LPL: variants seen among roughly 807,000 people sequenced by gnomAD.
LPL encodes phospholipase A1.
LPL carries 43 observed loss-of-function variants against 52.2 expected under a neutral mutation model. That is an observed-to-expected ratio of 0.82 (90% CI 0.64 to 1.06). The LOEUF (loss-of-function observed/expected upper bound fraction) is 1.06, where lower values mean the gene tolerates loss of function less well. LPL is among the 50% of genes least tolerant of loss of function. LPL has a pLI of 0.00. For synonymous variants in LPL, 244 were observed against 215.6 expected (o/e 1.13, Z -1.15); for missense variants, 639 against 585.3 (o/e 1.09, Z -0.95).
chr8:19,955,497 T>C (rs568355239), intron 5 of LPL, among the ~76,000 whole-genome samples: 3 of 152,332 alleles, frequency 2.0e-5, no homozygotes, highest in South Asian at 2.1e-4. Flanking sequence ...TAGAAGCACC[T>C]AGAAGTGTTA....
intron 2 of LPL, among the ~76,000 whole-genome samples, chr8:19,949,569 G>A (rs1017146595): frequency 7.2e-5 from 11 of 152,058 alleles, no homozygotes; most frequent in African/African-American, 2.4e-4. Flanking sequence ...TGCAACCTCC[G>A]CCACCTGGGC....
chr8:19,949,670 G>C lies in LPL; in HGVS notation c.249+1330G>C, dbSNP rs113497343. On this transcript the variant is annotated intron_variant, in intron 2 of 9. Coordinates refer to ENST00000650287, the MANE Select transcript of LPL (RefSeq NM_000237.3). ...GCCAATTTTTATATTTTCAGCACAG[G>C]CAGGGTTTCACCCTGTTGGCCAGGC... 1.2e-3 allele frequency among the ~76,000 whole-genome samples: 178 copies of C among 152,110 alleles called. 1 individual carries two copies. Among genetic ancestry groups the C allele is most frequent in the Non-Finnish European group, 2.0e-3 (138 of 67,982 alleles).
Position 19,961,067 on chromosome 8 carries a change from G to A in LPL, c.1306G>A (p.Gly436Arg), listed in dbSNP as rs587777909. Reference protein sequence around the residue: ...FAIQKIRVKAGETQKKVIFCS... With the variant: ...FAIQKIRVKARETQKKVIFCS... ...CATTCAGAAGATCAGAGTAAAAGCA[G>A]GAGAGACTCAGAAAAAGTAATTAAA... The change falls in exon 8 of 10, where the codon GGA becomes AGA. Residue 436 changes from glycine to arginine, a missense_variant. Physicochemically the swap from Gly to Arg is moderately radical, Grantham distance 125. Coordinates refer to ENST00000650287, the MANE Select transcript of LPL (RefSeq NM_000237.3). 3.7e-6 allele frequency: 6 copies of A among 1,613,990 alleles called. No individual in the cohort carries two copies. Among genetic ancestry groups the A allele is most frequent in the Non-Finnish European group, 5.1e-6 (6 of 1,180,012 alleles).
chr8:19,955,990 C>T lies in LPL; in HGVS notation c.925C>T (p.Arg309Cys), dbSNP rs377421145. Residue 309 changes from arginine to cysteine, a missense_variant, in exon 6 of 10, where the codon CGC becomes TGC. Transcript: ENST00000650287. ...KGLCLSCRKN[R>C]CNNLGYEINK... ...GCTCTGCTTGAGTTGTAGAAAGAAC[C>T]GCTGCAACAATCTGGGCTATGAGAT... The T allele has an allele frequency of 9.9e-6, 16 of 1,614,094 alleles. No homozygotes were observed. The highest frequency in any genetic ancestry group is 1.7e-5 in the Admixed American group (1 of 60,008).
At chr8:19,946,088 T>A (rs1286317659) in intron 1 of LPL, among the ~76,000 whole-genome samples, 1 of 152,116 alleles carries the variant, frequency 6.6e-6, no homozygotes, top group East Asian at 1.9e-4. Flanking sequence ...TGCTTTCTGG[T>A]TGGGAAGGAA....
chr8:19,963,170 T>G (rs1563583907), intron 9 of LPL, among the ~76,000 whole-genome samples: 1 of 152,248 alleles, frequency 6.6e-6, no homozygotes, highest in Non-Finnish European at 1.5e-5. Flanking sequence ...AGAATTGCCT[T>G]CATGCCTGCA....
chr8:19,954,230 G>C lies in LPL; in HGVS notation c.652G>C (p.Gly218Arg). Residue 218 changes from glycine (G) to arginine (R), a missense_variant, in exon 5 of 10, where the codon GGT (glycine) becomes CGT (arginine). By Grantham distance (125) the Gly-to-Arg change is moderately radical (BLOSUM62 -2). Transcript: ENST00000650287. Reference protein sequence around the residue: ...VLHTFTRGSPGRSIGIQKPVG... With the variant: ...VLHTFTRGSPRRSIGIQKPVG... ...ACACACATTCACCAGAGGGTCCCCT[G>C]GTCGAAGCATTGGAATCCAGAAACC... 1 of 1,614,148 alleles carries C rather than the reference G, an allele frequency of 6.2e-7. No homozygotes were observed. The highest frequency in any genetic ancestry group is 1.7e-5 in the Admixed American group (1 of 60,016).
At chr8:19,963,419 G>C (rs1429547595) in intron 9 of LPL, among the ~76,000 whole-genome samples, 1 of 134,672 alleles carries the variant, frequency 7.4e-6, no homozygotes, top group Non-Finnish European at 1.5e-5. Context: ...CTGGGCAACA[G>C]AGAAAGACTC....
rs753229741 is a variant in LPL, at chr8:19,956,031, C to A, written c.966C>A (p.Ala322=). The A allele has an allele frequency of 6.2e-7, 1 of 1,614,092 alleles. No individual in the cohort carries two copies. The highest frequency in any genetic ancestry group is 1.7e-5 in the Admixed American group (1 of 60,020). Residue 322 remains alanine, a synonymous_variant, in exon 6 of 10, where the codon GCC becomes GCA. Coordinates refer to ENST00000650287, the MANE Select transcript of LPL (RefSeq NM_000237.3). ...GCTATGAGATCAATAAAGTCAGAGC[C>A]AAAAGAAGCAGCAAAATGTACCTGA... ...NLGYEINKVR[A]KRSSKMYLKT...
At chr8:19,964,717 C>T (rs185908065) in intron 9 of LPL, among the ~76,000 whole-genome samples, 63 of 151,900 alleles carry the variant, frequency 4.1e-4, no homozygotes, top group Non-Finnish European at 7.5e-4. Context: ...TTAGTAGAGA[C>T]GGAGTTTCAC....
intron 7 of LPL, 38 bp downstream of exon 7, chr8:19,959,418 C>T: frequency 6.2e-7 from 1 of 1,612,650 alleles, no homozygotes; most frequent in South Asian, 1.1e-5. Flanking sequence ...TGGCACCAGT[C>T]CCTCTCCTGC....
At chr8:19,947,661 C>A (rs1222188334) in intron 1 of LPL, among the ~76,000 whole-genome samples, 4 of 107,180 alleles carry the variant, frequency 3.7e-5, no homozygotes, top group African/African-American at 6.2e-5. Context: ...AAACAACCCC[C>A]CCCCCGCCCC....
chr8:19,965,124 T>C (rs1042511635), intron 9 of LPL, among the ~76,000 whole-genome samples, 186 bp from the exon 10 acceptor site: 4 of 152,210 alleles, frequency 2.6e-5, no homozygotes, highest in African/African-American at 9.7e-5. Flanking sequence ...CTCCAGTGTC[T>C]TCCATTCCTA....
chr8:19,939,513 G>T lies in LPL; in HGVS notation c.73G>T (p.Val25Leu), dbSNP rs1395752390. 6.2e-7 allele frequency: 1 copy of T among 1,608,952 alleles called. No individual in the cohort carries two copies. Among genetic ancestry groups the T allele is most frequent in the Non-Finnish European group, 8.5e-7 (1 of 1,178,386 alleles). The change falls in exon 1 of 10, where the codon GTG (valine) becomes TTG (leucine). Residue 25 changes from valine to leucine, a missense_variant. Val to Leu is a conservative substitution (Grantham distance 32). Coordinates refer to ENST00000650287, the MANE Select transcript of LPL (RefSeq NM_000237.3). The surrounding 1 kb of genome is among the most constrained non-coding windows in gnomAD (Gnocchi z 4.0). ...GAGTCTGACCGCCTCCCGCGGAGGG[G>T]TGGCCGCCGCCGACCGTAAGTTTTG... is the stretch of plus-strand genomic sequence containing the variant. ...LQSLTASRGG[V>L]AAADQRRDFI...
At position 19,939,533 on chromosome 8, in the gene LPL, G is replaced by C; in HGVS notation, c.88+5G>C. ...GAGGGGTGGCCGCCGCCGACCGTAA[G>C]TTTTGCGCGCAAACTCCCCTCCACC... On this transcript the variant is annotated splice_donor_5th_base_variant and intron_variant, in intron 1 of 9. Transcript: ENST00000650287. The surrounding 1 kb of genome is among the most constrained non-coding windows in gnomAD (Gnocchi z 4.0). The C allele has an allele frequency of 5.0e-6, 8 of 1,606,398 alleles. No homozygotes were observed. Among genetic ancestry groups the C allele is most frequent in the Non-Finnish European group, 6.8e-6 (8 of 1,177,322 alleles).
At chr8:19,961,108 T>A (rs776991453) in intron 8 of LPL, 25 bp downstream of exon 8, 22 of 1,608,308 alleles carry the variant, frequency 1.4e-5, no homozygotes, top group Admixed American at 3.3e-5. Context: ...TTTTCTTCCT[T>A]CACTTTAGAC....
intron 3 of LPL, among the ~76,000 whole-genome samples, chr8:19,952,722 G>A (rs2069946434): frequency 6.6e-6 from 1 of 152,130 alleles, no homozygotes; most frequent in African/African-American, 2.4e-5. Context: ...TGGGGCTCAG[G>A]CTTCTCACCT....
chr8:19,945,194 G>T (rs572690956), intron 1 of LPL, among the ~76,000 whole-genome samples: 7 of 152,070 alleles, frequency 4.6e-5, no homozygotes, highest in African/African-American at 1.7e-4. Context: ...GCAATCACAG[G>T]ATGCATTGGG....
At chr8:19,964,967 T>G (rs903724887) in intron 9 of LPL, among the ~76,000 whole-genome samples, 7 of 152,238 alleles carry the variant, frequency 4.6e-5, no homozygotes, top group Non-Finnish European at 8.8e-5. Context: ...TTCTGCTAAC[T>G]CCTCAGAAAC....
Sources: gnomAD v4.1 joint callset for allele counts (sites outside exome capture counted in the v4.1 genomes callset) on GRCh38, gnomAD v4.1.1 for gene constraint, Gnocchi (gnomAD v3.1) non-coding constraint, MANE v1.5 for transcripts, NCBI Gene and HGNC (gene_info 2026-07-23, HGNC 2026-07-21) for gene names.